GAB2: variants seen among roughly 807,000 people sequenced by gnomAD.
GAB2 encodes the protein GRB2-associated-binding protein 2.
A neutral mutation model predicts 65.5 loss-of-function variants in GAB2; 26 were observed. The observed-to-expected ratio is 0.40, with a 90% CI of 0.29 to 0.55. GAB2 has a LOEUF of 0.55. Among genes scored for constraint, GAB2 ranks in the 20% least tolerant of loss-of-function variants. The probability of loss-of-function intolerance (pLI) is 0.53; values close to 1 mark genes in which losing one functional copy is unlikely to be tolerated. For synonymous variants in GAB2, 321 were observed against 329.6 expected (o/e 0.97, Z 0.28); for missense variants, 884 against 875.8 (o/e 1.01, Z -0.12).
chr11:78,342,925 C>T (rs747735474), intron 1 of GAB2, among the ~76,000 whole-genome samples: 1 of 152,038 alleles, frequency 6.6e-6, no homozygotes, highest in Non-Finnish European at 1.5e-5. Flanking sequence ...GTATGATTAT[C>T]CCAGTTTTAC....
At chr11:78,233,604 G>T (rs770261702) in intron 3 of GAB2, among the ~76,000 whole-genome samples, 3 of 151,584 alleles carry the variant, frequency 2.0e-5, no homozygotes, top group Non-Finnish European at 2.9e-5. Context: ...CGCATTTTGT[G>T]ATTTGTCTTT....
chr11:78,398,479 C>G (rs1389433303), intron 1 of GAB2, among the ~76,000 whole-genome samples: 2 of 152,032 alleles, frequency 1.3e-5, no homozygotes, highest in Non-Finnish European at 2.9e-5. Context: ...AGCAAAGAAA[C>G]AGAAAAACAG....
At chr11:78,284,602 GA>G (rs780095885) in intron 1 of GAB2, among the ~76,000 whole-genome samples, 1 of 152,128 alleles carries the variant, frequency 6.6e-6, no homozygotes, top group Non-Finnish European at 1.5e-5. Flanking sequence ...TCCTCCCCCA[GA>G]TATTTCCATT....
intron 8 of GAB2, 141 bp downstream of exon 8, chr11:78,221,536 T>G: frequency 2.1e-6 from 1 of 474,364 alleles, no homozygotes. Context: ...TCAAGAAGGG[T>G]TTGTAGCAGG....
At chr11:78,335,397 C>T (rs1855980934) in intron 1 of GAB2, among the ~76,000 whole-genome samples, 1 of 152,086 alleles carries the variant, frequency 6.6e-6, no homozygotes. Context: ...GTCTTTAATT[C>T]ATTTTGATTT....
At chr11:78,314,507 T>C (rs1367840135) in intron 1 of GAB2, among the ~76,000 whole-genome samples, 1 of 152,240 alleles carries the variant, frequency 6.6e-6, no homozygotes, top group East Asian at 1.9e-4. Flanking sequence ...CTGCTAGTTA[T>C]GTGATTTCAG....
At chr11:78,380,855 G>A (rs1336442263) in intron 1 of GAB2, among the ~76,000 whole-genome samples, 1 of 148,284 alleles carries the variant, frequency 6.7e-6, no homozygotes, top group Admixed American at 7.0e-5. Flanking sequence ...CCTCCTCATG[G>A]AGTAATCTTC....
At position 78,417,786 on chromosome 11, in the gene GAB2, G is replaced by T; in HGVS notation, c.-66C>A. 3 of 890,872 alleles carry T rather than the reference G, an allele frequency of 3.4e-6. No homozygotes were observed. The highest frequency in any genetic ancestry group is 4.1e-6 in the Non-Finnish European group (3 of 728,080). The allele number at this position is 890,872 out of a possible 1,614,324, so 55.2% of individuals were successfully genotyped here. A position where few individuals can be genotyped will look rare whatever the true frequency, so the allele number is the denominator to read the frequency against. ...GGCGCGGGCTCGGGCAGCTGGGGCA[G>T]CGGCCGGCGGTGCGCAGCTCGCGGG... On this transcript the variant is annotated 5_prime_UTR_variant, in exon 1 of 10. In the 5' UTR this introduces an upstream ATG that the reference lacks. Transcript: ENST00000361507.
intron 3 of GAB2, among the ~76,000 whole-genome samples, chr11:78,238,987 A>G (rs1320801965): frequency 6.6e-6 from 1 of 152,212 alleles, no homozygotes; most frequent in Non-Finnish European, 1.5e-5. Flanking sequence ...TCTCCAAAGA[A>G]GATATACAAA....
chr11:78,221,692 C>A lies in GAB2; in HGVS notation c.1746G>T (p.Glu582Asp), dbSNP rs368907942. Reference protein sequence around the residue: ...ITSTDSGDSEENYVPMQNPVS... With the variant: ...ITSTDSGDSEDNYVPMQNPVS... Reference sequence around the variant, plus strand: ...AAGGACTCACCATAGGGACATAGTTCTCTTCGCTGTCTCCTGAGTCTGTGC... The same window carrying A: ...AAGGACTCACCATAGGGACATAGTTATCTTCGCTGTCTCCTGAGTCTGTGC... Residue 582 changes from glutamate to aspartate, a missense_variant, in exon 8 of 10, where the codon GAG (glutamate) becomes GAT (aspartate). By Grantham distance (45) the Glu-to-Asp change is conservative. Transcript: ENST00000361507. 6.2e-7 allele frequency: 1 copy of A among 1,611,756 alleles called. No individual in the cohort carries two copies. The highest frequency in any genetic ancestry group is 1.1e-5 in the South Asian group (1 of 91,024).
chr11:78,315,791 T>C (rs1210435247), intron 1 of GAB2, among the ~76,000 whole-genome samples: 1 of 152,192 alleles, frequency 6.6e-6, no homozygotes, highest in East Asian at 1.9e-4. Context: ...TGATGGTTAA[T>C]ATTAGGTGTC....
chr11:78,332,800 G>T (rs566167500), intron 1 of GAB2, among the ~76,000 whole-genome samples: 2 of 152,312 alleles, frequency 1.3e-5, no homozygotes, highest in African/African-American at 4.8e-5. Flanking sequence ...CTTTGAGAAA[G>T]AACCTTTCTA....
At chr11:78,261,244 C>T (rs534152857) in intron 2 of GAB2, among the ~76,000 whole-genome samples, 36 of 152,246 alleles carry the variant, frequency 2.4e-4, no homozygotes, top group Middle Eastern at 6.8e-3. Context: ...GCTGTGACCA[C>T]ACCACTGCAC....
rs61881813 is a variant in GAB2, at chr11:78,261,120, C to T, written c.377-10720G>A. Among the ~76,000 whole-genome samples the T allele has an allele frequency of 1.3e-4, 20 of 152,020 alleles. No homozygotes were observed. In the East Asian group the frequency reaches 3.5e-3, roughly 27 times the overall value. Reference sequence around the variant, plus strand: ...ATGTCTGAGATATATATATATCTCACGCATACATATAAATTAGCTGGGCAT... The same window carrying T: ...ATGTCTGAGATATATATATATCTCATGCATACATATAAATTAGCTGGGCAT... On this transcript the variant is annotated intron_variant, in intron 2 of 9. Coordinates refer to ENST00000361507, the MANE Select transcript of GAB2 (RefSeq NM_080491.3).
intron 1 of GAB2, among the ~76,000 whole-genome samples, chr11:78,333,389 C>T (rs1027453924): frequency 6.6e-6 from 1 of 152,128 alleles, no homozygotes; most frequent in Non-Finnish European, 1.5e-5. Flanking sequence ...CTTAGCATCC[C>T]GAGAGCTAGG....
At chr11:78,307,435 A>C (rs1855386882) in intron 1 of GAB2, among the ~76,000 whole-genome samples, 1 of 152,164 alleles carries the variant, frequency 6.6e-6, no homozygotes, top group Non-Finnish European at 1.5e-5. Context: ...AAAATAAATA[A>C]AGGAAAAAAT....
intron 3 of GAB2, among the ~76,000 whole-genome samples, chr11:78,228,479 A>C (rs907767252): frequency 6.6e-6 from 1 of 151,818 alleles, no homozygotes; most frequent in African/African-American, 2.4e-5. Context: ...TGTAATACAT[A>C]ATAGCCCTCT....
At chr11:78,352,090 T>C (rs1410133454) in intron 1 of GAB2, among the ~76,000 whole-genome samples, 1 of 151,936 alleles carries the variant, frequency 6.6e-6, no homozygotes, top group African/African-American at 2.4e-5. Flanking sequence ...GTGGGCACCT[T>C]TAATCCCAGA....
At chr11:78,273,383 C>A (rs1459293496) in intron 2 of GAB2, among the ~76,000 whole-genome samples, 1 of 152,212 alleles carries the variant, frequency 6.6e-6, no homozygotes, top group Non-Finnish European at 1.5e-5. Context: ...ATCAGTGTGA[C>A]CTGAATGTGA....
Sources: allele counts gnomAD v4.1 joint callset (sites outside exome capture counted in the v4.1 genomes callset), GRCh38; gene constraint gnomAD v4.1.1; transcripts MANE v1.5; gene names NCBI Gene and HGNC (gene_info 2026-07-23, HGNC 2026-07-21).